STAC: variants seen among roughly 807,000 people sequenced by gnomAD.
The protein encoded by STAC is SH3 and cysteine rich domain.
STAC carries 43 observed loss-of-function variants against 48.8 expected under a neutral mutation model. The observed-to-expected ratio is 0.88, with a 90% CI of 0.69 to 1.14. The LOEUF (loss-of-function observed/expected upper bound fraction) is 1.14. Among genes scored for constraint, STAC ranks in the 50% most tolerant of loss-of-function variants. The pLI, the probability that STAC is intolerant of heterozygous loss-of-function variation, is 0.00. For missense variants in STAC, 497 were observed against 504.0 expected, an observed-to-expected ratio of 0.99 and a Z score of 0.13; for synonymous variants, 193 against 179.5, an observed-to-expected ratio of 1.07 and a Z score of -0.60.
At chr3:36,452,873 C>T (rs1696723502) in intron 2 of STAC, among the ~76,000 whole-genome samples, 1 of 152,158 alleles carries the variant, frequency 6.6e-6, no homozygotes, top group Non-Finnish European at 1.5e-5. Context: ...GCCTGTGGGG[C>T]CTCCTTCCAT....
At chr3:36,485,633 C>G (rs144297707) in intron 4 of STAC, 1 of 152,572 alleles carries the variant, frequency 6.6e-6, no homozygotes, top group African/African-American at 2.4e-5. Context: ...TTTTTTCTCT[C>G]TCTGAAAATC....
rs146079093 is a variant in STAC at position 36,437,931 on chromosome 3, GTTATTATTATTATTA to G, written c.112-5412_112-5398del. On this transcript the variant is annotated intron_variant, in intron 1 of 10. Coordinates refer to ENST00000273183, the MANE Select transcript of STAC (RefSeq NM_003149.3). ...GAGCAGTACCCATGATATTCATTGA[GTTATTATTATTATTA>G]TTATTATTATTATTATTATTTAGAT... 4.3e-5 allele frequency among the ~76,000 whole-genome samples: 6 copies of G among 140,568 alleles called. No homozygotes were observed. The East Asian group carries it at 1.0e-3, about 24-fold the overall frequency. 92.2% of individuals were successfully genotyped at this position (140,568 alleles called of 152,430 possible). A position where few individuals can be genotyped will look rare whatever the true frequency, so the allele number is the denominator to read the frequency against.
At chr3:36,420,364 T>G (rs543512718) in intron 1 of STAC, among the ~76,000 whole-genome samples, 1 of 152,334 alleles carries the variant, frequency 6.6e-6, no homozygotes, top group South Asian at 2.1e-4. Context: ...TTTCAGTCCC[T>G]TGCTTTTCTA....
chr3:36,477,095 A>T (rs1000163771), intron 2 of STAC, among the ~76,000 whole-genome samples: 5 of 152,198 alleles, frequency 3.3e-5, no homozygotes, highest in Non-Finnish European at 4.4e-5. Context: ...ACAGATTTTT[A>T]AAAAATTTTT....
At chr3:36,428,751 C>T (rs1700624341) in intron 1 of STAC, among the ~76,000 whole-genome samples, 1 of 152,130 alleles carries the variant, frequency 6.6e-6, no homozygotes, top group Non-Finnish European at 1.5e-5. Context: ...GCCAGAGGGA[C>T]TGGTGCAGAG....
At chr3:36,431,022 T>C (rs1272278353) in intron 1 of STAC, among the ~76,000 whole-genome samples, 4 of 152,216 alleles carry the variant, frequency 2.6e-5, no homozygotes, top group African/African-American at 9.6e-5. Context: ...ATACCCACTA[T>C]TTGCACGGTA....
At chr3:36,442,635 A>T (rs1696379074) in intron 1 of STAC, among the ~76,000 whole-genome samples, 1 of 152,116 alleles carries the variant, frequency 6.6e-6, no homozygotes, top group African/African-American at 2.4e-5. Flanking sequence ...TATAAGTCCC[A>T]GAGGCAAAGG....
chr3:36,429,377 G>A (rs552020403), intron 1 of STAC, among the ~76,000 whole-genome samples: 7 of 152,270 alleles, frequency 4.6e-5, no homozygotes, highest in Admixed American at 2.6e-4. Context: ...CATGAGGGGC[G>A]CCAGAGCAGA....
chr3:36,468,702 TTATATATATAAAATACATA>T (rs1559503239), intron 2 of STAC, among the ~76,000 whole-genome samples: 3 of 147,272 alleles, frequency 2.0e-5, no homozygotes, highest in African/African-American at 7.4e-5. Context: ...CCTTTTATCA[TTATATATATAAAATACATA>T]TATATGTATA....
intron 8 of STAC, among the ~76,000 whole-genome samples, chr3:36,525,545 C>T (rs1698910987): frequency 6.6e-6 from 1 of 152,180 alleles, no homozygotes; most frequent in Non-Finnish European, 1.5e-5. Flanking sequence ...CACAGTCTGC[C>T]TCTTTCACTC....
intron 8 of STAC, among the ~76,000 whole-genome samples, chr3:36,522,901 A>G (rs1036749364): frequency 4.6e-5 from 7 of 152,342 alleles, no homozygotes; most frequent in Middle Eastern, 3.4e-3. Flanking sequence ...ACCCTGGAAG[A>G]TCAAACCATC....
At chr3:36,419,047 C>CAA (rs1193056059) in intron 1 of STAC, among the ~76,000 whole-genome samples, 2,669 of 90,440 alleles carry the variant, frequency 0.03, 46 homozygotes, top group East Asian at 0.038. Context: ...AACTCCGACT[C>CAA]AAAAAAAAAA....
intron 2 of STAC, among the ~76,000 whole-genome samples, chr3:36,480,792 A>C (rs1451060374): frequency 6.6e-6 from 1 of 152,190 alleles, no homozygotes; most frequent in African/African-American, 2.4e-5. Context: ...ATCTCAAACC[A>C]GCCACCACTG....
At chr3:36,476,572 C>G (rs7646747) in intron 2 of STAC, among the ~76,000 whole-genome samples, 138,335 of 152,206 alleles carry the variant, frequency 0.91, 63,101 homozygotes, top group African/African-American at 0.98. Flanking sequence ...ATGGTGGAGA[C>G]CTGCTTCAGT....
intron 1 of STAC, among the ~76,000 whole-genome samples, chr3:36,424,024 C>A (rs571576195): frequency 5.9e-5 from 9 of 152,238 alleles, no homozygotes; most frequent in African/African-American, 1.9e-4. Context: ...ATCCTCTCCC[C>A]AAATGAGTGA....
chr3:36,423,019 T>G (rs1700482644), intron 1 of STAC, among the ~76,000 whole-genome samples: 1 of 152,092 alleles, frequency 6.6e-6, no homozygotes, highest in Non-Finnish European at 1.5e-5. Flanking sequence ...ACTGTTTAGG[T>G]TAGCAAAAGG....
At position 36,480,570 on chromosome 3, in the gene STAC, A is replaced by G. The variant is rs549703554; in HGVS notation, c.389-2422A>G. Among the ~76,000 whole-genome samples, 8 of 152,334 alleles carry G rather than the reference A, an allele frequency of 5.3e-5. No individual in the cohort carries two copies. The South Asian group carries it at 1.7e-3, about 32-fold the overall frequency. Reference sequence around the variant, plus strand: ...CCCCAACGTCATCTTCATGTAGGTTAAACAACCCAAATAAAAGGAGGAAAT... The same window carrying G: ...CCCCAACGTCATCTTCATGTAGGTTGAACAACCCAAATAAAAGGAGGAAAT... On this transcript the variant is annotated intron_variant, in intron 2 of 10. Transcript: ENST00000273183.
intron 8 of STAC, among the ~76,000 whole-genome samples, chr3:36,513,354 G>A (rs554067562): frequency 3.9e-5 from 6 of 152,046 alleles, no homozygotes; most frequent in Non-Finnish European, 7.4e-5. Context: ...AGCCAGCCAG[G>A]GAGAGGACTC....
chr3:36,492,329 T>C (rs1162523700), intron 5 of STAC, among the ~76,000 whole-genome samples: 1 of 151,912 alleles, frequency 6.6e-6, no homozygotes, highest in East Asian at 1.9e-4. Context: ...AGCACACCAA[T>C]GAATAAAGCA....
Sources: allele counts gnomAD v4.1 joint callset (sites outside exome capture counted in the v4.1 genomes callset), GRCh38; gene constraint gnomAD v4.1.1; transcripts MANE v1.5; gene names NCBI Gene and HGNC (gene_info 2026-07-23, HGNC 2026-07-21).